EYS: variants seen among roughly 807,000 people sequenced by gnomAD.
EYS encodes EGF-like photoreceptor maintenance factor.
A neutral mutation model predicts 282.1 loss-of-function variants in EYS; 250 were observed. The observed-to-expected ratio is 0.89, with a 90% CI of 0.80 to 0.98. The LOEUF is 0.98. Ranked by LOEUF, EYS falls within the 50% of genes least tolerant of loss-of-function variation. The probability of loss-of-function intolerance (pLI) is 0.00; values close to 1 mark genes in which losing one functional copy is unlikely to be tolerated. For synonymous variants in EYS, 1,355 were observed against 1,282.9 expected, an observed-to-expected ratio of 1.06 and a Z score of -1.20; for missense variants, 4,016 against 3,709.0, an observed-to-expected ratio of 1.08 and a Z score of -2.15.
At chr6:64,370,466 A>G (rs977673695) in intron 29 of EYS, among the ~76,000 whole-genome samples, 1 of 152,066 alleles carries the variant, frequency 6.6e-6, no homozygotes, top group Non-Finnish European at 1.5e-5. Flanking sequence ...CTTCAAGGAT[A>G]TTGGCCAAAG....
intron 19 of EYS, among the ~76,000 whole-genome samples, chr6:64,865,840 T>C (rs1282966158): frequency 6.6e-6 from 1 of 152,038 alleles, no homozygotes; most frequent in Non-Finnish European, 1.5e-5. Context: ...TTAAGATTAT[T>C]TCATTGTGTA....
At chr6:65,674,697 T>TTTATAA (rs1768515352) in intron 1 of EYS, among the ~76,000 whole-genome samples, 1 of 151,696 alleles carries the variant, frequency 6.6e-6, no homozygotes, top group South Asian at 2.1e-4. Context: ...GTTGAGGTAG[T>TTTATAA]TTATAATTAT....
intron 29 of EYS, among the ~76,000 whole-genome samples, chr6:64,330,192 A>G (rs1770587409): frequency 6.6e-6 from 1 of 152,176 alleles, no homozygotes. Context: ...AAGGTGTCTA[A>G]GGAAAAGGCA....
intron 33 of EYS, among the ~76,000 whole-genome samples, chr6:64,012,050 CT>C (rs1768663954): frequency 6.7e-6 from 1 of 150,364 alleles, no homozygotes; most frequent in Admixed American, 6.6e-5. Context: ...CCCTCACCCC[CT>C]CCCCTCCTTT....
intron 29 of EYS, among the ~76,000 whole-genome samples, chr6:64,314,095 C>A (rs1582583034): frequency 6.7e-6 from 1 of 148,648 alleles, no homozygotes; most frequent in Non-Finnish European, 1.5e-5. Flanking sequence ...GAGTCAAGAC[C>A]CTTCGCTGTG....
At chr6:65,706,272 C>G (rs1344844967) in intron 1 of EYS, among the ~76,000 whole-genome samples, 2 of 151,412 alleles carry the variant, frequency 1.3e-5, no homozygotes, top group Non-Finnish European at 1.5e-5. Context: ...TAACATTAAC[C>G]TTTAAGGTAA....
chr6:65,302,003 A>ATG (rs1554182212), intron 11 of EYS, among the ~76,000 whole-genome samples: 2 of 152,236 alleles, frequency 1.3e-5, no homozygotes, highest in Non-Finnish European at 2.9e-5. Context: ...TGAAAAACTG[A>ATG]TTTTTTTTGT....
At chr6:64,700,370 GA>G (rs1770738782) in intron 22 of EYS, among the ~76,000 whole-genome samples, 1 of 152,026 alleles carries the variant, frequency 6.6e-6, no homozygotes, top group Non-Finnish European at 1.5e-5. Flanking sequence ...CATAGAACTA[GA>G]AGTCTTAGCC....
At chr6:64,645,754 A>T (rs1768329349) in intron 22 of EYS, among the ~76,000 whole-genome samples, 1 of 152,330 alleles carries the variant, frequency 6.6e-6, no homozygotes, top group South Asian at 2.1e-4. Flanking sequence ...GGCTGCTTAA[A>T]TGCTAGTGAT....
In EYS at chr6:64,512,255, A is replaced by G. The variant is rs574644203; in HGVS notation, c.5645-72903T>C. ...TAATAAAATTCTGAAGAGTTAGAAT[A>G]TATTTCATTATGTAGGAGAAGCGTC... On this transcript the variant is annotated intron_variant, in intron 26 of 42. Transcript: ENST00000503581. Among the ~76,000 whole-genome samples, 50 of 152,214 alleles carry G rather than the reference A, an allele frequency of 3.3e-4. No individual in the cohort carries two copies. The South Asian group carries it at 0.01, about 32-fold the overall frequency.
intron 14 of EYS, among the ~76,000 whole-genome samples, chr6:64,971,072 A>T (rs1321396610): frequency 6.6e-6 from 1 of 152,190 alleles, no homozygotes; most frequent in East Asian, 1.9e-4. Context: ...TTATATGATA[A>T]CTTAGAGCAA....
At chr6:64,066,946 TATTTTA>T (rs1286484603) in intron 32 of EYS, among the ~76,000 whole-genome samples, 1 of 152,176 alleles carries the variant, frequency 6.6e-6, no homozygotes, top group East Asian at 1.9e-4. Context: ...TGTTTATTTG[TATTTTA>T]ATTACAAAGG....
intron 12 of EYS, among the ~76,000 whole-genome samples, chr6:65,276,956 A>C (rs1768064465): frequency 6.6e-6 from 1 of 152,342 alleles, no homozygotes; most frequent in Admixed American, 6.5e-5. Flanking sequence ...TAAGACATAT[A>C]ACAAAGTATT....
At chr6:63,932,203 T>C (rs1764915436) in intron 35 of EYS, among the ~76,000 whole-genome samples, 1 of 152,248 alleles carries the variant, frequency 6.6e-6, no homozygotes, top group African/African-American at 2.4e-5. Flanking sequence ...ATTGTGTACA[T>C]GTCCCACATT....
At chr6:65,446,935 TAC>T (rs1238768059) in intron 5 of EYS, among the ~76,000 whole-genome samples, 6 of 151,816 alleles carry the variant, frequency 4.0e-5, no homozygotes, top group Non-Finnish European at 5.9e-5. Flanking sequence ...TAATAATTTA[TAC>T]AGTTTTCATA....
chr6:63,876,287 T>C (rs1581922374), intron 35 of EYS, among the ~76,000 whole-genome samples: 1 of 152,364 alleles, frequency 6.6e-6, no homozygotes, highest in South Asian at 2.1e-4. Flanking sequence ...CGGTTTTGAC[T>C]GAGTTTTTTA....
At chr6:64,234,188 A>G (rs937436589) in intron 30 of EYS, among the ~76,000 whole-genome samples, 1 of 152,218 alleles carries the variant, frequency 6.6e-6, no homozygotes, top group African/African-American at 2.4e-5. Flanking sequence ...GTTTGATTGT[A>G]AAGAGTAGTA....
At chr6:64,557,373 T>C (rs1318579478) in intron 26 of EYS, among the ~76,000 whole-genome samples, 2 of 152,018 alleles carry the variant, frequency 1.3e-5, no homozygotes, top group Non-Finnish European at 2.9e-5. Flanking sequence ...TCAAGATTTA[T>C]TTGGTTCTTT....
intron 12 of EYS, among the ~76,000 whole-genome samples, chr6:65,291,921 AAT>A (rs1768537706): frequency 6.6e-6 from 1 of 151,608 alleles, no homozygotes; most frequent in South Asian, 2.1e-4. Context: ...GTGATCCTAC[AAT>A]ATGTCTTGAA....
Sources: allele counts gnomAD v4.1 joint callset (sites outside exome capture counted in the v4.1 genomes callset), GRCh38; gene constraint gnomAD v4.1.1; transcripts MANE v1.5; gene names NCBI Gene and HGNC (gene_info 2026-07-23, HGNC 2026-07-21).